Variants in NKAIN2 observed in about 807,000 individuals in gnomAD.
NKAIN2 encodes sodium/potassium transporting ATPase interacting 2.
A neutral mutation model predicts 32.6 loss-of-function variants in NKAIN2; 14 were observed. The observed-to-expected ratio is 0.43, with a 90% CI of 0.28 to 0.67. The LOEUF is 0.67. Among genes scored for constraint, NKAIN2 ranks in the 30% least tolerant of loss-of-function variants. NKAIN2 has a pLI of 0.17. For synonymous variants in NKAIN2, 80 were observed against 87.2 expected (o/e 0.92, Z 0.46); for missense variants, 198 against 258.3 (o/e 0.77, Z 1.60).
intron 3 of NKAIN2, among the ~76,000 whole-genome samples, chr6:124,550,648 A>G (rs139010866): frequency 2.1e-4 from 32 of 152,282 alleles, no homozygotes; most frequent in African/African-American, 7.7e-4. Context: ...GAGGATTTCA[A>G]AGAGAGTGAA....
At chr6:124,448,608 G>A (rs1775985425) in intron 3 of NKAIN2, among the ~76,000 whole-genome samples, 1 of 152,222 alleles carries the variant, frequency 6.6e-6, no homozygotes, top group East Asian at 1.9e-4. Context: ...ACTTCCACAG[G>A]ATAGGGTCAA....
chr6:124,051,487 C>T (rs538557133), intron 1 of NKAIN2, among the ~76,000 whole-genome samples: 3 of 151,950 alleles, frequency 2.0e-5, no homozygotes, highest in East Asian at 3.9e-4. Context: ...AGGTTTGTTA[C>T]ATATGTATAA....
intron 3 of NKAIN2, among the ~76,000 whole-genome samples, chr6:124,421,572 A>G (rs1285753219): frequency 1.2e-4 from 18 of 152,086 alleles, no homozygotes; most frequent in Admixed American, 9.8e-4. Context: ...ATAAGTCACT[A>G]TTACTATCTT....
At chr6:124,651,791 A>G (rs1015939425) in intron 3 of NKAIN2, among the ~76,000 whole-genome samples, 13 of 152,174 alleles carry the variant, frequency 8.5e-5, no homozygotes, top group African/African-American at 3.1e-4. Context: ...TAAGAGGGAA[A>G]GTCTCAAAGA....
intron 4 of NKAIN2, among the ~76,000 whole-genome samples, chr6:124,773,372 C>CT (rs1562375541): frequency 6.6e-6 from 1 of 151,994 alleles, no homozygotes; most frequent in African/African-American, 2.4e-5. Context: ...ATTTGCATTT[C>CT]TTTTTTCCTG....
chr6:124,087,088 A>G (rs1007763193), intron 1 of NKAIN2, among the ~76,000 whole-genome samples: 1 of 151,958 alleles, frequency 6.6e-6, no homozygotes, highest in African/African-American at 2.4e-5. Flanking sequence ...ACTAAATAGG[A>G]TTTATCTCAG....
chr6:124,044,683 C>G (rs1782037618), intron 1 of NKAIN2, among the ~76,000 whole-genome samples: 1 of 152,020 alleles, frequency 6.6e-6, no homozygotes, highest in African/African-American at 2.4e-5. Flanking sequence ...TTAAACAAGG[C>G]CATTCGCCTA....
chr6:124,154,125 T>C (rs1382287868), intron 1 of NKAIN2, among the ~76,000 whole-genome samples: 1 of 151,846 alleles, frequency 6.6e-6, no homozygotes. Flanking sequence ...ATTATATTGA[T>C]TGATTTTTCA....
chr6:124,724,409 T>A (rs1241687766), intron 4 of NKAIN2, among the ~76,000 whole-genome samples: 1 of 152,238 alleles, frequency 6.6e-6, no homozygotes, highest in Non-Finnish European at 1.5e-5. Flanking sequence ...ATATATCTCT[T>A]ATTCACCATT....
At chr6:124,716,434 G>T (rs1313234587) in intron 4 of NKAIN2, among the ~76,000 whole-genome samples, 2 of 152,186 alleles carry the variant, frequency 1.3e-5, no homozygotes, top group African/African-American at 4.8e-5. Flanking sequence ...GAGAATATCA[G>T]TTGAGATCAT....
At chr6:124,434,693 T>C (rs545313603) in intron 3 of NKAIN2, among the ~76,000 whole-genome samples, 184 of 152,346 alleles carry the variant, frequency 1.2e-3, no homozygotes, top group African/African-American at 4.2e-3. Context: ...TTCAGTCTAG[T>C]GAAATATTGA....
At chr6:123,804,750 G>C (rs1773144353) in intron 1 of NKAIN2, among the ~76,000 whole-genome samples, 1 of 151,844 alleles carries the variant, frequency 6.6e-6, no homozygotes, top group African/African-American at 2.4e-5. Context: ...CACTGTTTAG[G>C]GCACATGGTA....
intron 1 of NKAIN2, among the ~76,000 whole-genome samples, chr6:124,222,552 A>T (rs1387322920): frequency 6.6e-6 from 1 of 152,174 alleles, no homozygotes; most frequent in Non-Finnish European, 1.5e-5. Context: ...TGAGGCAAGT[A>T]AACACCTAAG....
At chr6:123,898,485 A>T (rs542005135) in intron 1 of NKAIN2, among the ~76,000 whole-genome samples, 4 of 152,066 alleles carry the variant, frequency 2.6e-5, no homozygotes, top group African/African-American at 9.6e-5. Context: ...CCAGCTTCAG[A>T]CTGATTCATT....
intron 3 of NKAIN2, among the ~76,000 whole-genome samples, chr6:124,374,365 A>G (rs1799893990): frequency 6.6e-6 from 1 of 152,096 alleles, no homozygotes; most frequent in Admixed American, 6.6e-5. Context: ...TCTATTTGAC[A>G]TTAATTTTCT....
chr6:124,676,805 A>T (rs146408868), intron 4 of NKAIN2, among the ~76,000 whole-genome samples: 30 of 152,178 alleles, frequency 2.0e-4, no homozygotes, highest in African/African-American at 5.1e-4. Context: ...GTATTCTATA[A>T]GTATGGCCCA....
chr6:124,010,312 G>C (rs942172019), intron 1 of NKAIN2, among the ~76,000 whole-genome samples: 4 of 152,040 alleles, frequency 2.6e-5, no homozygotes, highest in Admixed American at 2.0e-4. Context: ...TCTTGATACT[G>C]GTGGTCAAAG....
chr6:124,594,942 A>T (rs562263328), intron 3 of NKAIN2, among the ~76,000 whole-genome samples: 1 of 152,260 alleles, frequency 6.6e-6, no homozygotes, highest in African/African-American at 2.4e-5. Flanking sequence ...TTTCTAAGGG[A>T]CAAAATTGAG....
intron 4 of NKAIN2, among the ~76,000 whole-genome samples, chr6:124,668,863 A>T (rs995704592): frequency 6.6e-6 from 1 of 152,186 alleles, no homozygotes; most frequent in South Asian, 2.1e-4. Context: ...TCACCAAAAT[A>T]GATGACAAAA....
Sources: allele counts gnomAD v4.1 joint callset (sites outside exome capture counted in the v4.1 genomes callset), GRCh38; gene constraint gnomAD v4.1.1; transcripts MANE v1.5; gene names NCBI Gene and HGNC (gene_info 2026-07-23, HGNC 2026-07-21).